The following ADAMTSL1 variants were observed in gnomAD, a reference collection of about 807,000 sequenced individuals.
ADAMTSL1 encodes ADAMTS like 1.
ADAMTSL1 carries 126 observed loss-of-function variants against 201.8 expected under a neutral mutation model. The ratio of observed to expected loss-of-function variants is 0.62; its 90% CI spans 0.54 to 0.72. The LOEUF (loss-of-function observed/expected upper bound fraction) is 0.72. Ranked by LOEUF, ADAMTSL1 falls within the 30% of genes least tolerant of loss-of-function variation. The probability of loss-of-function intolerance (pLI) is 0.00; values close to 1 mark genes in which losing one functional copy is unlikely to be tolerated. For synonymous variants in ADAMTSL1, 1,121 were observed against 903.4 expected, an observed-to-expected ratio of 1.24 and a Z score of -4.32; for missense variants, 2,679 against 2,277.8, an observed-to-expected ratio of 1.18 and a Z score of -3.59.
intron 7 of ADAMTSL1, among the ~76,000 whole-genome samples, chr9:18,656,640 A>AG (rs1828696797): frequency 6.6e-6 from 1 of 151,646 alleles, no homozygotes; most frequent in Non-Finnish European, 1.5e-5. Context: ...AAAAAAAAAA[A>AG]AAAAAGAAAA....
intron 1 of ADAMTSL1, among the ~76,000 whole-genome samples, chr9:18,101,965 A>C (rs1307303198): frequency 1.3e-5 from 2 of 152,196 alleles, no homozygotes; most frequent in Non-Finnish European, 2.9e-5. Flanking sequence ...GATAAACAAA[A>C]CTTACTGTAT....
chr9:18,468,463 C>CT (rs934645433), intron 2 of ADAMTSL1, among the ~76,000 whole-genome samples: 10 of 152,126 alleles, frequency 6.6e-5, no homozygotes, highest in African/African-American at 2.4e-4. Flanking sequence ...TACCCACCAC[C>CT]TAGAATGGTA....
At chr9:17,997,858 C>T (rs1200486032) in intron 1 of ADAMTSL1, among the ~76,000 whole-genome samples, 1 of 152,044 alleles carries the variant, frequency 6.6e-6, no homozygotes, top group Non-Finnish European at 1.5e-5. Context: ...CTCTTGTCTT[C>T]ATGCTCCTGA....
At chr9:18,882,340 T>C (rs7858574) in intron 23 of ADAMTSL1, among the ~76,000 whole-genome samples, 20,690 of 152,208 alleles carry the variant, frequency 0.14, 2,294 homozygotes, top group African/African-American at 0.3. Flanking sequence ...TGGCCCTTTT[T>C]TTTTCCTTCA....
In ADAMTSL1 at chr9:18,777,541, G is replaced by C. The variant is rs751874418; in HGVS notation, c.3312G>C (p.Leu1104=). 3.1e-6 allele frequency: 5 copies of C among 1,603,398 alleles called. No homozygotes were observed. The South Asian group carries it at 5.6e-5, about 18-fold the overall frequency. The change falls in exon 19 of 29, where the codon CTG becomes CTC. Residue 1104 remains leucine (L), a synonymous_variant. Coordinates refer to ENST00000380548, the MANE Select transcript of ADAMTSL1 (RefSeq NM_001040272.6). ...DLYSKHLVAQ[L]AQEIFRSHLE... ...ACAGCAAGCACCTGGTGGCCCAGCT[G>C]GCCCAGGAGATCTTCCGCAGCCACC...
chr9:18,569,232 A>G (rs1822140384), intron 3 of ADAMTSL1, among the ~76,000 whole-genome samples: 1 of 152,130 alleles, frequency 6.6e-6, no homozygotes, highest in Non-Finnish European at 1.5e-5. Context: ...TTTGAATTGG[A>G]TTCATATATG....
intron 2 of ADAMTSL1, among the ~76,000 whole-genome samples, chr9:18,364,325 A>G (rs1203332860): frequency 2.6e-5 from 4 of 152,164 alleles, no homozygotes; most frequent in African/African-American, 9.7e-5. Flanking sequence ...AAAATTCTCT[A>G]TAGGATGGCT....
chr9:18,898,781 G>C (rs1235779447), intron 26 of ADAMTSL1, among the ~76,000 whole-genome samples: 1 of 152,090 alleles, frequency 6.6e-6, no homozygotes, highest in Non-Finnish European at 1.5e-5. Context: ...TCTCCAACTA[G>C]ATATTGAAGG....
intron 1 of ADAMTSL1, among the ~76,000 whole-genome samples, chr9:18,076,299 T>G (rs113241932): frequency 5.9e-5 from 9 of 152,258 alleles, no homozygotes; most frequent in African/African-American, 2.2e-4. Flanking sequence ...TACATTCTTC[T>G]GCACATCTTA....
chr9:18,692,859 TTAAGTAGACTA>T (rs1435790958), intron 13 of ADAMTSL1, among the ~76,000 whole-genome samples: 2 of 152,206 alleles, frequency 1.3e-5, no homozygotes, highest in African/African-American at 4.8e-5. Context: ...ATGTGGCCTT[TTAAGTAGACTA>T]TTTGCAAGGA....
rs145737625 is a variant in ADAMTSL1 at position 18,146,886 on chromosome 9, T to C, written c.88-16976T>C. Among the ~76,000 whole-genome samples, 1,395 of 152,282 alleles carry C rather than the reference T, an allele frequency of 9.2e-3. 22 individuals carry two copies. The highest frequency in any genetic ancestry group is 0.053 in the South Asian group (257 of 4,822). ...ATGAAATTTATTGTGTAGAATTTTA[T>C]GGTGATTTAGTGCATTGCAAAGCAA... On this transcript the variant is annotated intron_variant, in intron 1 of 29. Coordinates refer to the ADAMTSL1 transcript ENST00000680146.
intron 23 of ADAMTSL1, among the ~76,000 whole-genome samples, chr9:18,844,059 T>C (rs1825919484): frequency 2.6e-5 from 4 of 152,272 alleles, no homozygotes. Flanking sequence ...TCCGTCCAGC[T>C]TTGTTCCATT....
chr9:18,276,744 T>TGA (rs1832603634), intron 2 of ADAMTSL1, among the ~76,000 whole-genome samples: 1 of 152,108 alleles, frequency 6.6e-6, no homozygotes, highest in Non-Finnish European at 1.5e-5. Context: ...AGGTGCCAAG[T>TGA]TATTTTAAAC....
At chr9:18,384,211 G>A (rs1837685468) in intron 2 of ADAMTSL1, among the ~76,000 whole-genome samples, 1 of 152,082 alleles carries the variant, frequency 6.6e-6, no homozygotes, top group Non-Finnish European at 1.5e-5. Flanking sequence ...TCATGTTGGA[G>A]GGCAAAGGGG....
chr9:18,681,697 T>TGTGTGGGGGGGGGGGGGGGGGGG (rs370940110), intron 11 of ADAMTSL1, 115 bp from the exon 12 acceptor site: 1 of 219,150 alleles, frequency 4.6e-6, no homozygotes, highest in Non-Finnish European at 7.2e-6. Context: ...AGTCCTCGTG[T>TGTGTGGGGGGGGGGGGGGGGGGG]GGGGGGGGGG....
chr9:18,346,462 G>A (rs1209185090), intron 2 of ADAMTSL1, among the ~76,000 whole-genome samples: 1 of 152,008 alleles, frequency 6.6e-6, no homozygotes, highest in Non-Finnish European at 1.5e-5. Flanking sequence ...AGCAAGTAAG[G>A]GTTTTCTCAT....
intron 2 of ADAMTSL1, among the ~76,000 whole-genome samples, chr9:18,396,808 C>G (rs1817771418): frequency 6.6e-6 from 1 of 152,086 alleles, no homozygotes; most frequent in African/African-American, 2.4e-5. Flanking sequence ...AAACTCAGCA[C>G]ATTTTTATGA....
At chr9:18,791,345 C>G (rs1177486877) in intron 19 of ADAMTSL1, among the ~76,000 whole-genome samples, 1 of 152,116 alleles carries the variant, frequency 6.6e-6, no homozygotes, top group Non-Finnish European at 1.5e-5. Flanking sequence ...TAACAGGAGT[C>G]AAATCCTCCC....
chr9:18,452,518 G>A (rs1347807168), intron 2 of ADAMTSL1, among the ~76,000 whole-genome samples: 2 of 152,138 alleles, frequency 1.3e-5, no homozygotes, highest in African/African-American at 4.8e-5. Flanking sequence ...AAAGTCCAAA[G>A]TCTAATCTAA....
Sources: gnomAD v4.1 joint callset for allele counts (sites outside exome capture counted in the v4.1 genomes callset) on GRCh38, gnomAD v4.1.1 for gene constraint, MANE v1.5 for transcripts, NCBI Gene and HGNC (gene_info 2026-07-23, HGNC 2026-07-21) for gene names.